The following SYT16 variants were observed in gnomAD, a reference collection of about 807,000 sequenced individuals.
SYT16 encodes the protein synaptotagmin 16, also known as synaptotagmin-16.
In SYT16, 42 loss-of-function variants were observed where a neutral mutation model predicts 61.4. The observed-to-expected ratio is 0.68, with a 90% CI of 0.53 to 0.89. The LOEUF (loss-of-function observed/expected upper bound fraction) is 0.89, where lower values mean the gene tolerates loss of function less well. Ranked by LOEUF, SYT16 falls within the 40% of genes least tolerant of loss-of-function variation. SYT16 has a pLI of 0.00. For missense variants in SYT16, 804 were observed against 807.3 expected, an observed-to-expected ratio of 1.00 and a Z score of 0.05; for synonymous variants, 314 against 302.3, an observed-to-expected ratio of 1.04 and a Z score of -0.40.
intron 1 of SYT16, among the ~76,000 whole-genome samples, chr14:61,882,287 T>C (rs117111405): frequency 0.018 from 2,772 of 152,306 alleles, 48 homozygotes; most frequent in Admixed American, 0.031. Context: ...TATAGTTAAT[T>C]TTAATATCAC....
At chr14:61,903,413 C>T (rs2048591393) in intron 1 of SYT16, among the ~76,000 whole-genome samples, 1 of 152,158 alleles carries the variant, frequency 6.6e-6, no homozygotes. Flanking sequence ...AGTTGGCCCT[C>T]ATTAAATGTA....
intron 7 of SYT16, among the ~76,000 whole-genome samples, chr14:62,086,494 CAACAAACA>C (rs200193546): frequency 6.6e-5 from 10 of 152,042 alleles, no homozygotes; most frequent in South Asian, 4.2e-4. Context: ...AAACAAACAA[CAACAAACA>C]AACAAACAAA....
intron 3 of SYT16, among the ~76,000 whole-genome samples, chr14:62,022,814 A>G (rs578200919): frequency 6.6e-6 from 1 of 152,282 alleles, no homozygotes; most frequent in African/African-American, 2.4e-5. Context: ...CTCATTGGCT[A>G]TGATACTGCC....
chr14:61,854,473 C>T (rs1295700844), intron 1 of SYT16, among the ~76,000 whole-genome samples: 1 of 152,240 alleles, frequency 6.6e-6, no homozygotes, highest in African/African-American at 2.4e-5. Flanking sequence ...TCTCGGAGAT[C>T]CTTGTCACTA....
chr14:61,835,526 G>C (rs532212703), intron 1 of SYT16, among the ~76,000 whole-genome samples: 1 of 151,434 alleles, frequency 6.6e-6, no homozygotes, highest in Non-Finnish European at 1.5e-5. Flanking sequence ...CCAAAGTGCT[G>C]GGATTACAGG....
intron 1 of SYT16, among the ~76,000 whole-genome samples, chr14:61,903,251 G>A (rs1445424305): frequency 6.6e-6 from 1 of 151,702 alleles, no homozygotes; most frequent in Non-Finnish European, 1.5e-5. Flanking sequence ...GGGGGATTAA[G>A]TCTTCATTAT....
In SYT16 at chr14:61,985,908, C is replaced by G. The variant is rs561454952; in HGVS notation, c.-144-9968C>G. Among the ~76,000 whole-genome samples the G allele has an allele frequency of 5.3e-5, 8 of 152,206 alleles. 1 individual carries two copies. The South Asian group carries it at 1.7e-3, about 32-fold the overall frequency. ...ACAAAATGAATTATATGTGTATTGG[C>G]TACCAACAGTAGTAACAAGTCCAAT... On this transcript the variant is annotated intron_variant, in intron 2 of 7. Coordinates refer to ENST00000683842, the MANE Select transcript of SYT16 (RefSeq NM_001367656.1).
At chr14:61,999,646 C>G (rs1400997832) in intron 3 of SYT16, among the ~76,000 whole-genome samples, 1 of 151,556 alleles carries the variant, frequency 6.6e-6, no homozygotes, top group African/African-American at 2.4e-5. Context: ...CTTTGTTTTT[C>G]TTGCTTTGGG....
Position 62,102,402 on chromosome 14 carries a change from G to A in SYT16, c.*1695G>A, listed in dbSNP as rs1349232485. 1.3e-5 allele frequency: 2 copies of A among 152,156 alleles called. No individual in the cohort carries two copies. Among genetic ancestry groups the A allele is most frequent in the African/African-American group, 2.4e-5 (1 of 41,434 alleles). 9.4% of individuals were successfully genotyped at this position (152,156 alleles called of 1,614,324 possible). ...AATTAATACCTTAATTACTTTTCAG[G>A]TCATGGGAGTTTCATATATATGGCT... is the stretch of plus-strand genomic sequence containing the variant. On this transcript the variant is annotated 3_prime_UTR_variant, in exon 8 of 8. Coordinates refer to ENST00000683842, the MANE Select transcript of SYT16 (RefSeq NM_001367656.1).
chr14:61,993,468 G>GT (rs1011457521), intron 2 of SYT16, among the ~76,000 whole-genome samples: 7 of 152,020 alleles, frequency 4.6e-5, no homozygotes, highest in Admixed American at 2.0e-4. Context: ...AAAACTCAAA[G>GT]TTTTTTTGTG....
chr14:62,052,999 G>A (rs1334650389), intron 3 of SYT16, among the ~76,000 whole-genome samples: 1 of 152,220 alleles, frequency 6.6e-6, no homozygotes, highest in Non-Finnish European at 1.5e-5. Flanking sequence ...ATCTACAAAT[G>A]TGAAGGCAGC....
At chr14:61,897,635 AT>A (rs1394868698) in intron 1 of SYT16, among the ~76,000 whole-genome samples, 1 of 152,188 alleles carries the variant, frequency 6.6e-6, no homozygotes, top group Non-Finnish European at 1.5e-5. Context: ...GGAATATGTG[AT>A]TCAGGGAGCT....
chr14:61,980,532 G>A (rs1595072713), intron 2 of SYT16, among the ~76,000 whole-genome samples: 1 of 152,134 alleles, frequency 6.6e-6, no homozygotes, highest in Non-Finnish European at 1.5e-5. Flanking sequence ...CACCTGTTTG[G>A]TGTGTGCAAA....
intron 4 of SYT16, among the ~76,000 whole-genome samples, chr14:62,073,083 C>G (rs967003068): frequency 2.0e-5 from 3 of 152,128 alleles, no homozygotes; most frequent in African/African-American, 7.2e-5. Context: ...CGCAACTTGA[C>G]TTGTACCCCA....
chr14:61,923,693 G>A (rs2049426185), intron 1 of SYT16, among the ~76,000 whole-genome samples: 2 of 152,036 alleles, frequency 1.3e-5, no homozygotes, highest in African/African-American at 2.4e-5. Flanking sequence ...ACAGTGAAAT[G>A]TCTGTGCCAG....
At chr14:61,989,922 C>T (rs746777801) in intron 2 of SYT16, among the ~76,000 whole-genome samples, 85 of 152,122 alleles carry the variant, frequency 5.6e-4, no homozygotes, top group African/African-American at 1.8e-3. Flanking sequence ...GCTCATGCCC[C>T]GGCAGTGACA....
chr14:61,840,475 A>T (rs992062678), intron 1 of SYT16, among the ~76,000 whole-genome samples: 2 of 152,220 alleles, frequency 1.3e-5, no homozygotes, highest in African/African-American at 4.8e-5. Context: ...AGTATCACCA[A>T]TGAGACCAGG....
chr14:62,099,001 A>G (rs530141632), intron 7 of SYT16, among the ~76,000 whole-genome samples: 1 of 152,288 alleles, frequency 6.6e-6, no homozygotes, highest in South Asian at 2.1e-4. Context: ...GGGAAAAAGA[A>G]CAAATTGGGT....
chr14:61,998,422 A>G (rs575961651), intron 3 of SYT16, among the ~76,000 whole-genome samples: 7 of 151,864 alleles, frequency 4.6e-5, no homozygotes, highest in Admixed American at 1.3e-4. Flanking sequence ...CTTTTTCAGA[A>G]TGTCATATAA....
Sources: allele counts gnomAD v4.1 joint callset (sites outside exome capture counted in the v4.1 genomes callset), GRCh38; gene constraint gnomAD v4.1.1; transcripts MANE v1.5; gene names NCBI Gene and HGNC (gene_info 2026-07-23, HGNC 2026-07-21).